SLC39A11: variants seen among roughly 807,000 people sequenced by gnomAD.
SLC39A11 encodes solute carrier family 39 member 11.
Under a neutral mutation model 36.1 loss-of-function variants are expected in SLC39A11, and 33 were observed. The ratio of observed to expected loss-of-function variants is 0.91; its 90% CI spans 0.69 to 1.22. The LOEUF (loss-of-function observed/expected upper bound fraction) is 1.22. SLC39A11 is among the 50% of genes most tolerant of loss of function. The pLI, the probability that SLC39A11 is intolerant of heterozygous loss-of-function variation, is 0.00. For synonymous variants in SLC39A11, 166 were observed against 170.3 expected, an observed-to-expected ratio of 0.97 and a Z score of 0.20; for missense variants, 432 against 430.3, an observed-to-expected ratio of 1.00 and a Z score of -0.03.
At chr17:72,732,697 T>C (rs1228183018) in intron 7 of SLC39A11, among the ~76,000 whole-genome samples, 1 of 152,180 alleles carries the variant, frequency 6.6e-6, no homozygotes, top group Non-Finnish European at 1.5e-5. Context: ...TACTTAAGAG[T>C]CCTCCTCCTT....
rs769446678 is a variant in SLC39A11 at position 72,759,283 on chromosome 17, A to C, written c.602-22564T>G. On this transcript the variant is annotated intron_variant, in intron 6 of 9. Coordinates refer to ENST00000255559, the MANE Select transcript of SLC39A11 (RefSeq NM_139177.4). The stretch of plus-strand genomic sequence containing the variant: ...AAAAAATCAAGGAGAGGTCATTAAA[A>C]GTCTGGCTCATGAATTTCTAAAACA... Among the ~76,000 whole-genome samples the C allele has an allele frequency of 5.5e-4, 83 of 152,202 alleles. 1 individual carries two copies. Among genetic ancestry groups the C allele is most frequent in the Non-Finnish European group, 8.8e-5 (6 of 68,042 alleles).
Position 72,728,131 on chromosome 17 carries a change from G to T in SLC39A11, c.671+8519C>A, listed in dbSNP as rs115851410. 7.8e-3 allele frequency among the ~76,000 whole-genome samples: 1,182 copies of T among 152,270 alleles called. 17 individuals carry two copies. The highest frequency in any genetic ancestry group is 0.027 in the African/African-American group (1,119 of 41,550). On this transcript the variant is annotated intron_variant, in intron 7 of 9. Transcript: ENST00000255559. ...AAAAACAGGGATTGTGTCCACTAAA[G>T]GAGGGGTCTAACGCTTTCTGAAAAG...
rs1181173224 is a variant in SLC39A11, at chr17:72,882,352, C to T, written c.431-32548G>A. Reference sequence around the variant, plus strand: ...GCCTAGATATCAGAATGTACATATTCCTATATCTAAAAAAAAAAAAAAAAA... The same window carrying T: ...GCCTAGATATCAGAATGTACATATTTCTATATCTAAAAAAAAAAAAAAAAA... On this transcript the variant is annotated intron_variant, in intron 5 of 9. Transcript: ENST00000255559. Among the ~76,000 whole-genome samples, 7 of 120,132 alleles carry T rather than the reference C, an allele frequency of 5.8e-5. No homozygotes were observed. In the South Asian group the frequency reaches 1.4e-3, roughly 23 times the overall value. 78.8% of individuals were successfully genotyped at this position (120,132 alleles called of 152,430 possible).
intron 3 of SLC39A11, among the ~76,000 whole-genome samples, chr17:73,042,833 T>C (rs1350387521): frequency 6.6e-6 from 1 of 151,946 alleles, no homozygotes; most frequent in African/African-American, 2.4e-5. Context: ...GAAGAAGAAT[T>C]ACCCAGAAAG....
intron 5 of SLC39A11, among the ~76,000 whole-genome samples, chr17:72,874,583 G>A (rs1383946553): frequency 1.3e-5 from 2 of 152,200 alleles, no homozygotes; most frequent in Non-Finnish European, 2.9e-5. Context: ...CCTGGTATAG[G>A]AGCCTGAAGT....
intron 4 of SLC39A11, among the ~76,000 whole-genome samples, chr17:72,954,047 T>C (rs1271723598): frequency 3.3e-5 from 5 of 152,156 alleles, no homozygotes; most frequent in Non-Finnish European, 4.4e-5. Flanking sequence ...TTTTAAATTT[T>C]GTATTTGTTA....
intron 3 of SLC39A11, among the ~76,000 whole-genome samples, chr17:73,078,546 G>T (rs2060407319): frequency 6.6e-6 from 1 of 151,586 alleles, no homozygotes; most frequent in South Asian, 2.1e-4. Context: ...GAGTGCAATG[G>T]CGCAATCTCG....
chr17:73,040,688 T>C (rs2059075343), intron 3 of SLC39A11, among the ~76,000 whole-genome samples: 1 of 152,196 alleles, frequency 6.6e-6, no homozygotes, highest in South Asian at 2.1e-4. Context: ...TATTAAAAGT[T>C]AATGATTATA....
chr17:72,880,362 A>G, intron 5 of SLC39A11, among the ~76,000 whole-genome samples: 1 of 152,124 alleles, frequency 6.6e-6, no homozygotes. Context: ...TGAGCCTAGG[A>G]GTCTGAGACC....
At chr17:73,004,203 GAAA>G (rs1568105556) in intron 4 of SLC39A11, among the ~76,000 whole-genome samples, 1 of 123,446 alleles carries the variant, frequency 8.1e-6, no homozygotes, top group African/African-American at 3.0e-5. Flanking sequence ...AAGAAAGAAA[GAAA>G]GAAAGAAAGA....
chr17:72,742,276 A>G (rs2074742871), intron 6 of SLC39A11, among the ~76,000 whole-genome samples: 1 of 152,066 alleles, frequency 6.6e-6, no homozygotes, highest in Admixed American at 6.5e-5. Flanking sequence ...TGCGATGGGT[A>G]TGCCTAAGGG....
At chr17:72,803,431 C>T (rs1411903248) in intron 6 of SLC39A11, among the ~76,000 whole-genome samples, 1 of 152,250 alleles carries the variant, frequency 6.6e-6, no homozygotes, top group African/African-American at 2.4e-5. Flanking sequence ...GCATGAAATG[C>T]CACACGCAGG....
intron 3 of SLC39A11, among the ~76,000 whole-genome samples, chr17:73,062,331 T>C (rs2059865703): frequency 6.6e-6 from 1 of 151,310 alleles, no homozygotes; most frequent in African/African-American, 2.4e-5. Flanking sequence ...TAGTGATGCA[T>C]GCCTGTAGTC....
chr17:72,761,403 T>C (rs910181425), intron 6 of SLC39A11, among the ~76,000 whole-genome samples: 1 of 151,962 alleles, frequency 6.6e-6, no homozygotes, highest in South Asian at 2.1e-4. Flanking sequence ...ATGTGAGCCA[T>C]GCACCCAGCC....
intron 4 of SLC39A11, among the ~76,000 whole-genome samples, chr17:72,990,726 C>T (rs762944775): frequency 1.3e-5 from 2 of 152,112 alleles, no homozygotes; most frequent in Non-Finnish European, 2.9e-5. Context: ...CCGTGCCTGT[C>T]CCATATCAGG....
At chr17:73,076,635 T>C (rs987426440) in intron 3 of SLC39A11, among the ~76,000 whole-genome samples, 3 of 152,128 alleles carry the variant, frequency 2.0e-5, no homozygotes, top group Admixed American at 6.5e-5. Context: ...ATCTCAGAAC[T>C]GGGCTGAGGG....
At chr17:72,717,155 T>C (rs1430017775) in intron 7 of SLC39A11, among the ~76,000 whole-genome samples, 6 of 147,768 alleles carry the variant, frequency 4.1e-5, no homozygotes, top group Admixed American at 2.7e-4. Flanking sequence ...TATATATGTA[T>C]ATACATATAT....
intron 6 of SLC39A11, among the ~76,000 whole-genome samples, chr17:72,758,237 A>T (rs574009058): frequency 1.4e-3 from 218 of 152,304 alleles, no homozygotes; most frequent in African/African-American, 3.9e-3. Flanking sequence ...TGGATCAATT[A>T]GTCAGTCAAA....
chr17:72,993,811 C>A (rs1382028746), intron 4 of SLC39A11, among the ~76,000 whole-genome samples: 5 of 149,696 alleles, frequency 3.3e-5, no homozygotes, highest in Non-Finnish European at 6.0e-5. Context: ...TTTTTCCTAC[C>A]CTTGAAATTC....
Sources: gnomAD v4.1 joint callset for allele counts (sites outside exome capture counted in the v4.1 genomes callset) on GRCh38, gnomAD v4.1.1 for gene constraint, MANE v1.5 for transcripts, NCBI Gene and HGNC (gene_info 2026-07-23, HGNC 2026-07-21) for gene names.